KLRG1: variants seen among roughly 807,000 people sequenced by gnomAD.
KLRG1 encodes killer cell lectin-like receptor subfamily G member 1.
In KLRG1, 16 loss-of-function variants were observed where a neutral mutation model predicts 21.8. The ratio of observed to expected loss-of-function variants is 0.73; its 90% CI spans 0.50 to 1.11. The LOEUF (loss-of-function observed/expected upper bound fraction) is 1.11, where lower values mean the gene tolerates loss of function less well. KLRG1 is among the 50% of genes most tolerant of loss of function. The probability of loss-of-function intolerance (pLI) is 0.00; values close to 1 mark genes in which losing one functional copy is unlikely to be tolerated. For synonymous variants in KLRG1, 69 were observed against 75.9 expected (o/e 0.91, Z 0.47); for missense variants, 173 against 218.3 (o/e 0.79, Z 1.31).
chr12:9,208,424 T>G, the KLRG1 span: 1 of 1,064,014 alleles, frequency 9.4e-7, no homozygotes. Flanking sequence ...CCAGGCTTTA[T>G]GTGGCCACTA....
chr12:9,066,235 A>C, the KLRG1 span: 19 of 152,422 alleles, frequency 1.2e-4, no homozygotes, highest in African/African-American at 4.6e-4. Context: ...CCCCACAGGG[A>C]GAGAAGAGCT....
chr12:9,038,660 C>A, the KLRG1 span, among the ~76,000 whole-genome samples: 1 of 152,160 alleles, frequency 6.6e-6, no homozygotes, highest in Non-Finnish European at 1.5e-5. Flanking sequence ...ACTTTTCCCT[C>A]TTCTTTGAAT....
the KLRG1 span, among the ~76,000 whole-genome samples, chr12:9,163,159 T>C: frequency 1.3e-5 from 2 of 151,888 alleles, no homozygotes; most frequent in Non-Finnish European, 1.5e-5. Context: ...ATGTGAATCT[T>C]AGGAGAGAGG....
At chr12:9,074,547 G>T in the KLRG1 span, 2 of 1,593,466 alleles carry the variant, frequency 1.3e-6, no homozygotes, top group Non-Finnish European at 1.7e-6. Context: ...AAAGGTTTTG[G>T]CAAATCACCA....
At chr12:8,970,765 T>G (rs1179912598) in intron 1 of KLRG1, among the ~76,000 whole-genome samples, 3 of 152,232 alleles carry the variant, frequency 2.0e-5, no homozygotes, top group Non-Finnish European at 4.4e-5. Context: ...GAAGCCATTA[T>G]CAAATTGAGA....
intron 3 of KLRG1, among the ~76,000 whole-genome samples, chr12:9,002,136 A>G (rs774325726): frequency 6.0e-4 from 92 of 152,252 alleles, no homozygotes; most frequent in African/African-American, 2.1e-3. Context: ...GCTTGCAGTT[A>G]TTTATTTACA....
chr12:9,069,389 A>G, the KLRG1 span, among the ~76,000 whole-genome samples: 1 of 151,934 alleles, frequency 6.6e-6, no homozygotes, highest in Non-Finnish European at 1.5e-5. Flanking sequence ...TTTCCCTTTC[A>G]TATTGTTGTT....
At chr12:9,202,581 G>A in the KLRG1 span, 10 of 1,614,088 alleles carry the variant, frequency 6.2e-6, no homozygotes, top group Non-Finnish European at 7.6e-6. Context: ...CAGACTTTGG[G>A]TGTTCAGTAC....
chr12:9,128,143 GAACCA>G, the KLRG1 span: 1 of 189,216 alleles, frequency 5.3e-6, no homozygotes, highest in African/African-American at 2.4e-5. Context: ...ACCTGGAGAA[GAACCA>G]CAACGAGGAA....
chr12:9,076,246 T>C, the KLRG1 span, among the ~76,000 whole-genome samples: 1 of 152,234 alleles, frequency 6.6e-6, no homozygotes, highest in South Asian at 2.1e-4. Context: ...ACTAGTACTT[T>C]TATAGGATTT....
chr12:8,999,222 C>T (rs1002573069), intron 3 of KLRG1, among the ~76,000 whole-genome samples: 12 of 152,036 alleles, frequency 7.9e-5, no homozygotes, highest in African/African-American at 2.9e-4. Context: ...TTTTTCTTGC[C>T]ATTTTTCCCC....
Position 9,009,827 on chromosome 12 carries a change from A to G in KLRG1, c.*290A>G, listed in dbSNP as rs1397862293. The G allele has an allele frequency of 4.2e-6, 6 of 1,435,192 alleles. No individual in the cohort carries two copies. The highest frequency in any genetic ancestry group is 5.5e-6 in the Non-Finnish European group (6 of 1,100,424). The allele number at this position is 1,435,192 out of a possible 1,614,324, so 88.9% of individuals were successfully genotyped here. A position where few individuals can be genotyped will look rare whatever the true frequency, so the allele number is the denominator to read the frequency against. On this transcript the variant is annotated 3_prime_UTR_variant, in exon 5 of 5. Transcript: ENST00000356986. ...TATGGAAACTAATGCTGCCACTCTC[A>G]TCCCCGTCCCAACCATCTCTGTCAA...
the KLRG1 span, among the ~76,000 whole-genome samples, chr12:9,082,718 C>T: frequency 6.6e-6 from 1 of 152,152 alleles, no homozygotes; most frequent in Non-Finnish European, 1.5e-5. Context: ...AAATAAAGAT[C>T]TATGAAATCA....
chr12:9,169,439 G>A, the KLRG1 span: 3 of 1,594,772 alleles, frequency 1.9e-6, no homozygotes, highest in South Asian at 1.1e-5. Flanking sequence ...CCTTGAGGAA[G>A]CTATAAATAT....
chr12:9,187,830 C>T, the KLRG1 span, among the ~76,000 whole-genome samples: 6 of 152,320 alleles, frequency 3.9e-5, no homozygotes, highest in South Asian at 2.1e-4. Context: ...ACTTGCTCTT[C>T]GGAACCTGAA....
chr12:9,117,082 CAA>C, the KLRG1 span, among the ~76,000 whole-genome samples: 1 of 151,912 alleles, frequency 6.6e-6, no homozygotes, highest in African/African-American at 2.4e-5. Context: ...TCTCGAAGAA[CAA>C]AGAGATGAAA....
At chr12:8,980,408 T>G (rs981636369) in intron 1 of KLRG1, among the ~76,000 whole-genome samples, 11 of 152,192 alleles carry the variant, frequency 7.2e-5, no homozygotes, top group African/African-American at 2.7e-4. Flanking sequence ...TCTTTGGGTT[T>G]GGTTACTGGA....
rs1592261519 is a variant in KLRG1, at chr12:8,989,641, T to C, written c.6T>C (p.Thr2=). 1 of 1,601,224 alleles carries C rather than the reference T, an allele frequency of 6.2e-7. No individual in the cohort carries two copies. Among genetic ancestry groups the C allele is most frequent in the East Asian group, 2.2e-5 (1 of 44,710 alleles). ...GTGAAAGATCTTAGCTGAAGATGAC[T>C]GACAGTGTTATTTATTCCATGTTAG... is the stretch of plus-strand genomic sequence containing the variant. M[T]DSVIYSMLEL... The change falls in exon 1 of 5, where the codon ACT becomes ACC. Residue 2 remains threonine, a synonymous_variant. Transcript: ENST00000356986.
the KLRG1 span, chr12:9,077,707 G>A: frequency 6.2e-7 from 1 of 1,613,996 alleles, no homozygotes; most frequent in Admixed American, 1.7e-5. Flanking sequence ...TCACCTTTAT[G>A]GCATTGTTGA....
Sources: allele counts gnomAD v4.1 joint callset (sites outside exome capture counted in the v4.1 genomes callset), GRCh38; gene constraint gnomAD v4.1.1; transcripts MANE v1.5; gene names NCBI Gene and HGNC (gene_info 2026-07-23, HGNC 2026-07-21).